The following SLFN12L variants were observed in gnomAD, a reference collection of about 807,000 sequenced individuals.
SLFN12L encodes schlafen family member 12-like.
SLFN12L carries 34 observed loss-of-function variants against 34.8 expected under a neutral mutation model. That is an observed-to-expected ratio of 0.98 (90% confidence interval 0.74 to 1.30). SLFN12L has a LOEUF of 1.30. SLFN12L is among the 50% of genes most tolerant of loss of function. SLFN12L has a pLI of 0.00. For synonymous variants in SLFN12L, 259 were observed against 247.5 expected (o/e 1.05, Z -0.44); for missense variants, 703 against 696.2 (o/e 1.01, Z -0.11).
intron 2 of SLFN12L, among the ~76,000 whole-genome samples, chr17:35,510,968 C>G (rs1915621906): frequency 6.6e-6 from 1 of 151,920 alleles, no homozygotes; most frequent in African/African-American, 2.4e-5. Flanking sequence ...ATTTTTTTAA[C>G]TCAAACTGTT....
At position 35,467,454 on chromosome 17, in the gene SLFN12L, C is replaced by A. The variant is rs1224590916; in HGVS notation, c.*7469G>T. 6.6e-6 allele frequency among the ~76,000 whole-genome samples: 1 copy of A among 152,138 alleles called. No individual in the cohort carries two copies. The highest frequency in any genetic ancestry group is 6.5e-5 in the Admixed American group (1 of 15,286). On this transcript the variant is annotated 3_prime_UTR_variant, in exon 5 of 5. Transcript: ENST00000628453. Reference sequence around the variant, plus strand: ...GCCTTACAATTACCAAGGTAATAACCAAGGCACACATTTCACATTGCAAAA... The same window carrying A: ...GCCTTACAATTACCAAGGTAATAACAAAGGCACACATTTCACATTGCAAAA...
chr17:35,491,237 G>A, intron 2 of SLFN12L: 1 of 1,092,072 alleles, frequency 9.2e-7, no homozygotes, highest in Non-Finnish European at 1.3e-6. Context: ...TTCAAGTGTA[G>A]TTGATTATGC....
Position 35,475,101 on chromosome 17 carries a change from T to C in SLFN12L, c.1661A>G (p.Asp554Gly). 1.2e-6 allele frequency: 2 copies of C among 1,614,148 alleles called. No homozygotes were observed. Among genetic ancestry groups the C allele is most frequent in the Non-Finnish European group, 1.7e-6 (2 of 1,179,946 alleles). Reference protein sequence around the residue: ...SPEGKTSCQYDLNSQVIYPES... With the variant: ...SPEGKTSCQYGLNSQVIYPES... ...AGGGTAAATTACTTGCGAGTTTAAA[T>C]CATACTGGCAGCTTGTCTTGCCTTC... Residue 554 changes from aspartate to glycine, a missense_variant, in exon 5 of 5, where the codon GAT becomes GGT. Physicochemically the swap from Asp to Gly is moderately conservative, Grantham distance 94. Transcript: ENST00000628453.
chr17:35,530,058 T>G (rs1430706802), intron 1 of SLFN12L, among the ~76,000 whole-genome samples: 1 of 149,224 alleles, frequency 6.7e-6, no homozygotes, highest in Admixed American at 6.7e-5. Flanking sequence ...TATAACCTCA[T>G]AAACGTCATC....
chr17:35,523,485 A>C (rs1181666741), intron 1 of SLFN12L, among the ~76,000 whole-genome samples: 1 of 152,196 alleles, frequency 6.6e-6, no homozygotes, highest in African/African-American at 2.4e-5. Context: ...TCAGTCCTCA[A>C]CTAGGAGACC....
At position 35,479,829 on chromosome 17, in the gene SLFN12L, T is replaced by A. The variant is rs1914243044; in HGVS notation, c.453A>T (p.Ser151=). 3 of 1,608,668 alleles carry A rather than the reference T, an allele frequency of 1.9e-6. No homozygotes were observed. The highest frequency in any genetic ancestry group is 1.1e-5 in the South Asian group (1 of 90,506). ...GCGGACCAGAGGTTTCCAAGCTCCA[T>A]GATTTCACAAAAATGTGAAAGTAGT... ...NGNYFHIFVK[S]WSLETSGPQI... is the part of the protein sequence containing the mutation. Residue 151 remains serine (S), a synonymous_variant, in exon 3 of 5, where the codon TCA becomes TCT. Coordinates refer to ENST00000628453, the MANE Select transcript of SLFN12L (RefSeq NM_001363830.2).
At chr17:35,526,748 A>T (rs755032865) in intron 1 of SLFN12L, among the ~76,000 whole-genome samples, 6 of 152,226 alleles carry the variant, frequency 3.9e-5, no homozygotes, top group African/African-American at 9.6e-5. Context: ...TGCCCACAAG[A>T]AAAAGCAGGA....
chr17:35,487,654 T>A, intron 2 of SLFN12L: 1 of 1,469,260 alleles, frequency 6.8e-7, no homozygotes, highest in Non-Finnish European at 9.2e-7. Flanking sequence ...ACGGAGAAGT[T>A]CTCGTTTCGT....
At chr17:35,525,894 T>A (rs1197712179) in intron 1 of SLFN12L, among the ~76,000 whole-genome samples, 4 of 152,156 alleles carry the variant, frequency 2.6e-5, no homozygotes, top group Admixed American at 6.5e-5. Context: ...AATGCCCCAA[T>A]TAAAAGACAC....
intron 2 of SLFN12L, 135 bp from the exon 3 acceptor site, chr17:35,480,330 T>C (rs1914277901): frequency 1.7e-6 from 1 of 600,290 alleles, no homozygotes; most frequent in Non-Finnish European, 2.6e-6. Context: ...AGATAACTAA[T>C]TTCTAACAAA....
chr17:35,487,946 C>A (rs1310201471), intron 2 of SLFN12L: 3 of 693,668 alleles, frequency 4.3e-6, no homozygotes, highest in South Asian at 3.0e-5. Context: ...CGGTGACTCA[C>A]GCCTGTAATC....
chr17:35,506,358 G>C (rs945557901), intron 2 of SLFN12L, among the ~76,000 whole-genome samples: 1 of 152,206 alleles, frequency 6.6e-6, no homozygotes, highest in African/African-American at 2.4e-5. Flanking sequence ...TACTGGTCTT[G>C]TGTCATTTAG....
intron 2 of SLFN12L, among the ~76,000 whole-genome samples, chr17:35,495,982 C>A (rs1460091019): frequency 6.6e-6 from 1 of 151,610 alleles, no homozygotes; most frequent in African/African-American, 2.4e-5. Flanking sequence ...TCTACAGCGC[C>A]TTCGGGGGCA....
chr17:35,498,414 C>A, intron 2 of SLFN12L: 3 of 1,292,414 alleles, frequency 2.3e-6, no homozygotes, highest in Non-Finnish European at 3.4e-6. Flanking sequence ...CCAGGCAGAG[C>A]CCCAGCAATA....
chr17:35,489,903 T>C, intron 2 of SLFN12L: 1 of 939,738 alleles, frequency 1.1e-6, no homozygotes. Flanking sequence ...TGACAGTTTA[T>C]ACAGCACAGC....
intron 2 of SLFN12L, among the ~76,000 whole-genome samples, chr17:35,519,552 G>A (rs1180653159): frequency 1.3e-5 from 2 of 152,138 alleles, no homozygotes; most frequent in Non-Finnish European, 2.9e-5. Context: ...AATAACTTAT[G>A]TATAATAGCT....
In SLFN12L at chr17:35,474,885, C is replaced by T. The variant is rs1396238343; in HGVS notation, c.*38G>A. ...GGCAGAGGTTGCAGTGAGTCGAGAT[C>T]GTGTCACTACACTCCAGTCTGGGTG... On this transcript the variant is annotated 3_prime_UTR_variant, in exon 5 of 5. Coordinates refer to ENST00000628453, the MANE Select transcript of SLFN12L (RefSeq NM_001363830.2). 8 of 1,492,822 alleles carry T rather than the reference C, an allele frequency of 5.4e-6. No individual in the cohort carries two copies. Among genetic ancestry groups the T allele is most frequent in the African/African-American group, 1.4e-5 (1 of 71,224 alleles). The allele number at this position is 1,492,822 out of a possible 1,614,324, so 92.5% of individuals were successfully genotyped here.
At position 35,469,724 on chromosome 17, in the gene SLFN12L, C is replaced by T. The variant is rs999769588; in HGVS notation, c.*5199G>A. Among the ~76,000 whole-genome samples the T allele has an allele frequency of 6.6e-6, 1 of 152,058 alleles. No individual in the cohort carries two copies. Among genetic ancestry groups the T allele is most frequent in the African/African-American group, 2.4e-5 (1 of 41,388 alleles). Reference sequence around the variant, plus strand: ...CTAATGGCCAACATTCTTTACATCCCCGCTGTGACCCAGAGCTCATACTCT... The same window carrying T: ...CTAATGGCCAACATTCTTTACATCCTCGCTGTGACCCAGAGCTCATACTCT... On this transcript the variant is annotated 3_prime_UTR_variant, in exon 5 of 5. Coordinates refer to ENST00000628453, the MANE Select transcript of SLFN12L (RefSeq NM_001363830.2).
rs1227295392 is a variant in SLFN12L, at chr17:35,468,772, C to A, written c.*6151G>T. 2.0e-5 allele frequency among the ~76,000 whole-genome samples: 3 copies of A among 152,268 alleles called. No homozygotes were observed. In the East Asian group the frequency reaches 5.8e-4, roughly 29 times the overall value. On this transcript the variant is annotated 3_prime_UTR_variant, in exon 5 of 5. Coordinates refer to ENST00000628453, the MANE Select transcript of SLFN12L (RefSeq NM_001363830.2). Reference sequence around the variant, plus strand: ...CAGTGACTCATGCCTATAATTCCAGCACTTTGGGAGGCTGAGGCAGGACTG... The same window carrying A: ...CAGTGACTCATGCCTATAATTCCAGAACTTTGGGAGGCTGAGGCAGGACTG...
Sources: gnomAD v4.1 joint callset for allele counts (sites outside exome capture counted in the v4.1 genomes callset) on GRCh38, gnomAD v4.1.1 for gene constraint, MANE v1.5 for transcripts, NCBI Gene and HGNC (gene_info 2026-07-23, HGNC 2026-07-21) for gene names.